Variants in CHRM3 observed in about 807,000 individuals in gnomAD.
The protein encoded by CHRM3 is muscarinic acetylcholine receptor M3.
CHRM3 carries 11 observed loss-of-function variants against 41.8 expected under a neutral mutation model. The observed-to-expected ratio is 0.26, with a 90% CI of 0.17 to 0.44. The LOEUF (loss-of-function observed/expected upper bound fraction) is 0.44. Among genes scored for constraint, CHRM3 ranks in the 20% least tolerant of loss-of-function variants. The probability of loss-of-function intolerance (pLI) is 1.00; values close to 1 mark genes in which losing one functional copy is unlikely to be tolerated. For synonymous variants in CHRM3, 297 were observed against 301.4 expected, an observed-to-expected ratio of 0.99 and a Z score of 0.15; for missense variants, 571 against 745.4, an observed-to-expected ratio of 0.77 and a Z score of 2.72.
intron 5 of CHRM3, among the ~76,000 whole-genome samples, chr1:239,726,340 A>G (rs1381872293): frequency 6.6e-6 from 1 of 151,938 alleles, no homozygotes; most frequent in Non-Finnish European, 1.5e-5. Context: ...ATAATAGTAG[A>G]TGGATAATAT....
intron 5 of CHRM3, among the ~76,000 whole-genome samples, chr1:239,699,684 G>A (rs529674784): frequency 1.3e-5 from 2 of 152,122 alleles, no homozygotes; most frequent in African/African-American, 4.8e-5. Context: ...CATACATAAA[G>A]TATTTTTGTG....
chr1:239,689,967 C>A (rs573272394), intron 5 of CHRM3, among the ~76,000 whole-genome samples: 13 of 152,094 alleles, frequency 8.5e-5, no homozygotes, highest in African/African-American at 3.1e-4. Flanking sequence ...GCCCATGCTT[C>A]TGAGCCCATA....
At chr1:239,404,350 GAGAAAGAAAGAAAGAA>G (rs1178581793) in intron 1 of CHRM3, among the ~76,000 whole-genome samples, 1,421 of 68,636 alleles carry the variant, frequency 0.021, 55 homozygotes, top group Non-Finnish European at 0.03. Context: ...GAAAGAGAAA[GAGAAAGAAAGAAAGAA>G]AGAAAGAAAG....
In CHRM3 at chr1:239,656,402, C is replaced by T. The variant is rs1177398106; in HGVS notation, c.-249-21784C>T. ...TTTGGGAGGCTGAAGGGGAAAATCA[C>T]TTGAGCTCAGGAGTTTGAGAGCAGC... On this transcript the variant is annotated intron_variant, in intron 4 of 6. Transcript: ENST00000676153. Among the ~76,000 whole-genome samples, 6 of 150,964 alleles carry T rather than the reference C, an allele frequency of 4.0e-5. No homozygotes were observed. The East Asian group carries it at 1.2e-3, about 29-fold the overall frequency.
rs1321797069 is a variant in CHRM3, at chr1:239,503,856, C to A, written c.-422+11049C>A. Among the ~76,000 whole-genome samples the A allele has an allele frequency of 4.6e-5, 7 of 152,114 alleles. No homozygotes were observed. The East Asian group carries it at 1.3e-3, about 29-fold the overall frequency. ...CAACAAATGCTGCTGGGATAATTGG[C>A]TAGCCACATGTAGGAGAATGAAACT... On this transcript the variant is annotated intron_variant, in intron 2 of 6. Coordinates refer to ENST00000676153, the MANE Select transcript of CHRM3 (RefSeq NM_001375978.1).
At chr1:239,880,823 G>A (rs956872359) in intron 6 of CHRM3, among the ~76,000 whole-genome samples, 3 of 152,078 alleles carry the variant, frequency 2.0e-5, no homozygotes, top group African/African-American at 7.2e-5. Context: ...AAATCAACTA[G>A]AAGCAAGCAA....
At chr1:239,459,251 C>T (rs950473877) in intron 1 of CHRM3, among the ~76,000 whole-genome samples, 1 of 152,016 alleles carries the variant, frequency 6.6e-6, no homozygotes, top group Non-Finnish European at 1.5e-5. Context: ...TTTCAAATAA[C>T]AGTCATAATT....
chr1:239,400,651 T>C (rs12747873), intron 1 of CHRM3, among the ~76,000 whole-genome samples: 4,040 of 152,314 alleles, frequency 0.027, 70 homozygotes, highest in Middle Eastern at 0.051. Flanking sequence ...TAAGATCCAA[T>C]TTCATTCTTC....
At position 239,691,240 on chromosome 1, in the gene CHRM3, A is replaced by C. The variant is rs376540178; in HGVS notation, c.-147+12952A>C. 3.7e-4 allele frequency among the ~76,000 whole-genome samples: 56 copies of C among 152,182 alleles called. No individual in the cohort carries two copies. In the South Asian group the frequency reaches 0.011, roughly 31 times the overall value. ...CAGGAAGCAGCTGGCTTTTATTTGA[A>C]ACTTGCAGGATCCCTTCAGACATAT... On this transcript the variant is annotated intron_variant, in intron 5 of 6. Transcript: ENST00000676153.
chr1:239,743,777 C>CTTTTTTTTTTTT (rs992688177), intron 5 of CHRM3, among the ~76,000 whole-genome samples: 4 of 122,494 alleles, frequency 3.3e-5, no homozygotes, highest in East Asian at 2.4e-4. Flanking sequence ...TTTTCTTTTT[C>CTTTTTTTTTTTT]TTTTTTTTTT....
intron 3 of CHRM3, among the ~76,000 whole-genome samples, chr1:239,594,257 G>A (rs1407293730): frequency 6.6e-6 from 1 of 152,180 alleles, no homozygotes; most frequent in African/African-American, 2.4e-5. Flanking sequence ...GTACTACTTG[G>A]CAGTTTGTTG....
At chr1:239,670,004 T>G (rs904022013) in intron 4 of CHRM3, among the ~76,000 whole-genome samples, 3 of 152,220 alleles carry the variant, frequency 2.0e-5, no homozygotes, top group African/African-American at 7.2e-5. Flanking sequence ...AAGATGACTC[T>G]TGAAATACGA....
In CHRM3 at chr1:239,801,422, T is replaced by C. The variant is rs1013414035; in HGVS notation, c.-146-25830T>C. On this transcript the variant is annotated intron_variant, in intron 5 of 6. Coordinates refer to ENST00000676153, the MANE Select transcript of CHRM3 (RefSeq NM_001375978.1). ...CATAAAGTAGCTGAGATAAAGCAGG[T>C]TGATGCAATTGGGCAGCCCCTGGTG... is the stretch of plus-strand genomic sequence containing the variant. 3.9e-5 allele frequency among the ~76,000 whole-genome samples: 6 copies of C among 152,148 alleles called. No homozygotes were observed. The East Asian group carries it at 5.8e-4, about 15-fold the overall frequency.
intron 4 of CHRM3, among the ~76,000 whole-genome samples, chr1:239,664,677 C>G (rs180776761): frequency 6.6e-6 from 1 of 152,264 alleles, no homozygotes; most frequent in Admixed American, 6.5e-5. Flanking sequence ...CTCTGGGACT[C>G]TAGCCCCTCT....
chr1:239,864,519 T>C (rs868140223), intron 6 of CHRM3, among the ~76,000 whole-genome samples: 2 of 148,138 alleles, frequency 1.4e-5, no homozygotes, highest in Non-Finnish European at 3.0e-5. Flanking sequence ...AAACAGAAAA[T>C]ACACACACAC....
At chr1:239,729,051 T>C (rs1224948973) in intron 5 of CHRM3, among the ~76,000 whole-genome samples, 1 of 151,902 alleles carries the variant, frequency 6.6e-6, no homozygotes, top group Non-Finnish European at 1.5e-5. Context: ...GAACTCACTG[T>C]GTTGACATTT....
At chr1:239,683,667 T>C (rs1179305140) in intron 5 of CHRM3, among the ~76,000 whole-genome samples, 2 of 152,332 alleles carry the variant, frequency 1.3e-5, no homozygotes, top group East Asian at 3.9e-4. Context: ...TTCGACAGCA[T>C]CTCTGCAAAC....
At chr1:239,708,747 T>C (rs1044578057) in intron 5 of CHRM3, among the ~76,000 whole-genome samples, 7 of 140,264 alleles carry the variant, frequency 5.0e-5, no homozygotes, top group African/African-American at 1.3e-4. Flanking sequence ...TTTTTTTTTT[T>C]TTTTTTTTTT....
intron 4 of CHRM3, among the ~76,000 whole-genome samples, chr1:239,643,729 G>T (rs998573826): frequency 6.6e-6 from 1 of 152,176 alleles, no homozygotes; most frequent in Non-Finnish European, 1.5e-5. Context: ...CCCAAGTGAG[G>T]CAATGCCTCA....
Sources: gnomAD v4.1 joint callset for allele counts (sites outside exome capture counted in the v4.1 genomes callset) on GRCh38, gnomAD v4.1.1 for gene constraint, MANE v1.5 for transcripts, NCBI Gene and HGNC (gene_info 2026-07-23, HGNC 2026-07-21) for gene names.